The following NEBL variants were observed in gnomAD, a reference collection of about 807,000 sequenced individuals.
NEBL encodes the protein nebulette.
In NEBL, 122 loss-of-function variants were observed where a neutral mutation model predicts 140.2. The observed-to-expected ratio is 0.87, with a 90% CI of 0.75 to 1.01. NEBL has a LOEUF of 1.01. Among genes scored for constraint, NEBL ranks in the 50% least tolerant of loss-of-function variants. The pLI is 0.00. For missense variants in NEBL, 1,365 were observed against 1,231.3 expected (o/e 1.11, Z -1.62); for synonymous variants, 436 against 398.9 (o/e 1.09, Z -1.11).
At chr10:21,108,954 T>A (rs1589241999) in intron 2 of NEBL, among the ~76,000 whole-genome samples, 1 of 152,300 alleles carries the variant, frequency 6.6e-6, no homozygotes, top group African/African-American at 2.4e-5. Flanking sequence ...ACAGAGACAA[T>A]TTGACTTCCT....
chr10:21,020,084 C>T, intron 3 of NEBL: 1 of 1,563,776 alleles, frequency 6.4e-7, no homozygotes, highest in Non-Finnish European at 8.8e-7. Context: ...ATCTTTAGGG[C>T]CAAGGGAACA....
At chr10:21,103,502 C>T (rs182911998) in intron 2 of NEBL, among the ~76,000 whole-genome samples, 26 of 152,254 alleles carry the variant, frequency 1.7e-4, no homozygotes, top group Non-Finnish European at 3.5e-4. Context: ...CATGAGCCAC[C>T]GCACCAGGCC....
At chr10:21,064,084 T>C (rs1418440119) in intron 2 of NEBL, among the ~76,000 whole-genome samples, 2 of 152,154 alleles carry the variant, frequency 1.3e-5, no homozygotes, top group Non-Finnish European at 2.9e-5. Context: ...AAAAGCTTTC[T>C]GGAGTTAAGG....
chr10:21,112,819 AC>A, intron 2 of NEBL: 1 of 211,480 alleles, frequency 4.7e-6, no homozygotes, highest in Non-Finnish European at 9.8e-6. Context: ...TTGAAATTAC[AC>A]CACCCAGTCT....
intron 1 of NEBL, among the ~76,000 whole-genome samples, chr10:21,288,739 G>A (rs1193700434): frequency 2.5e-5 from 3 of 120,242 alleles, no homozygotes; most frequent in Non-Finnish European, 3.4e-5. Flanking sequence ...TAGCCTGGGC[G>A]ACAGAGCGAG....
intron 3 of NEBL, among the ~76,000 whole-genome samples, chr10:21,198,926 T>A (rs777541936): frequency 7.2e-5 from 11 of 152,156 alleles, no homozygotes; most frequent in Admixed American, 2.6e-4. Flanking sequence ...GGTACCCAAT[T>A]ACCTTACAGG....
chr10:20,808,362 A>G (rs75998910), intron 26 of NEBL, 148 bp downstream of exon 26: 1 of 815,786 alleles, frequency 1.2e-6, no homozygotes, highest in Non-Finnish European at 1.9e-6. Context: ...AAAAAAAAAA[A>G]GACTATTAAC....
chr10:21,038,963 C>T (rs912586955), intron 2 of NEBL, among the ~76,000 whole-genome samples: 14 of 151,724 alleles, frequency 9.2e-5, no homozygotes, highest in African/African-American at 3.4e-4. Context: ...TAATGACCAG[C>T]GAAGATGAGC....
intron 3 of NEBL, among the ~76,000 whole-genome samples, chr10:21,209,987 T>C (rs1841891311): frequency 6.6e-6 from 1 of 152,024 alleles, no homozygotes. Flanking sequence ...CCAGACCCAT[T>C]TGGTTAAGCT....
intron 3 of NEBL, among the ~76,000 whole-genome samples, chr10:21,015,239 G>C (rs1263628941): frequency 1.3e-5 from 2 of 152,116 alleles, no homozygotes; most frequent in Non-Finnish European, 2.9e-5. Flanking sequence ...GGAGAGTCGG[G>C]GGGGTTTGGA....
intron 2 of NEBL, chr10:21,110,638 T>A (rs1259809018): frequency 5.3e-6 from 2 of 379,314 alleles, no homozygotes; most frequent in Middle Eastern, 8.9e-4. Context: ...TAATCATTTA[T>A]CTCCATCCAT....
chr10:21,223,195 T>A (rs1045261557), intron 3 of NEBL, among the ~76,000 whole-genome samples: 1 of 152,216 alleles, frequency 6.6e-6, no homozygotes, highest in African/African-American at 2.4e-5. Context: ...CTTTCCCCCA[T>A]CCCTGCTACT....
At chr10:20,944,206 C>A (rs1410104722) in intron 4 of NEBL, among the ~76,000 whole-genome samples, 1 of 152,136 alleles carries the variant, frequency 6.6e-6, no homozygotes, top group South Asian at 2.1e-4. Context: ...TCAAGACCAG[C>A]CTTGCCACCC....
At chr10:21,163,867 C>T (rs1840655830) in intron 2 of NEBL, among the ~76,000 whole-genome samples, 2 of 152,172 alleles carry the variant, frequency 1.3e-5, no homozygotes, top group African/African-American at 2.4e-5. Flanking sequence ...AGAAGTCAAA[C>T]GCGAAGCAAC....
At chr10:21,029,556 T>TGATA in intron 2 of NEBL, 1 of 1,604,718 alleles carries the variant, frequency 6.2e-7, no homozygotes, top group East Asian at 2.2e-5. Flanking sequence ...CTTTTGGCCG[T>TGATA]GATAGAAATC....
chr10:20,852,487 T>C, intron 10 of NEBL, 58 bp downstream of exon 10: 1 of 1,185,050 alleles, frequency 8.4e-7, no homozygotes. Context: ...GCGGCGGGCC[T>C]CAGGATGGTT....
rs1564548943 is a variant in NEBL, at chr10:21,244,078, T to A, written n.348+3843A>T. 2.0e-5 allele frequency among the ~76,000 whole-genome samples: 3 copies of A among 152,098 alleles called. 1 individual carries two copies. The highest frequency in any genetic ancestry group is 2.0e-4 in the Admixed American group (3 of 15,270). On this transcript the variant is annotated intron_variant and non_coding_transcript_variant, in intron 3 of 8. Transcript: ENST00000675702. ...AAATAAGTTTTTTTAAACTAAAAAA[T>A]AATAATGAAAATCAGCAATTCTTCA...
intron 26 of NEBL, among the ~76,000 whole-genome samples, chr10:20,792,501 T>G (rs1257200734): frequency 3.3e-5 from 5 of 152,184 alleles, no homozygotes; most frequent in African/African-American, 1.2e-4. Flanking sequence ...TAGATCCTAG[T>G]TAAATCCTGT....
At chr10:21,130,017 C>G (rs548211416) in intron 2 of NEBL, among the ~76,000 whole-genome samples, 1 of 151,962 alleles carries the variant, frequency 6.6e-6, no homozygotes, top group South Asian at 2.1e-4. Flanking sequence ...ATTTTAAACA[C>G]AAAGTCATAT....
Sources: gnomAD v4.1 joint callset for allele counts (sites outside exome capture counted in the v4.1 genomes callset) on GRCh38, gnomAD v4.1.1 for gene constraint, MANE v1.5 for transcripts, NCBI Gene and HGNC (gene_info 2026-07-23, HGNC 2026-07-21) for gene names.